The following DLGAP2 variants were observed in gnomAD, a reference collection of about 807,000 sequenced individuals.
DLGAP2 encodes the protein disks large-associated protein 2.
In DLGAP2, 26 loss-of-function variants were observed where a neutral mutation model predicts 100.3. The observed-to-expected ratio is 0.26, with a 90% CI of 0.19 to 0.36. DLGAP2 has a LOEUF of 0.36. Among genes scored for constraint, DLGAP2 ranks in the 10% least tolerant of loss-of-function variants. The pLI is 1.00. For missense variants in DLGAP2, 1,858 were observed against 1,453.2 expected (o/e 1.28, Z -4.53); for synonymous variants, 886 against 630.1 (o/e 1.41, Z -6.08).
At chr8:869,700 C>T (rs1797561279) in intron 1 of DLGAP2, among the ~76,000 whole-genome samples, 1 of 152,186 alleles carries the variant, frequency 6.6e-6, no homozygotes, top group South Asian at 2.1e-4. Flanking sequence ...GTAGTTGGAA[C>T]ATTCGGGGAT....
intron 12 of DLGAP2, among the ~76,000 whole-genome samples, chr8:1,690,478 G>C (rs534618864): frequency 2.9e-4 from 44 of 151,858 alleles, no homozygotes; most frequent in Middle Eastern, 3.4e-3. Context: ...GCTGAGATGG[G>C]TGGATCACCT....
chr8:1,155,403 G>C (rs981464131), intron 2 of DLGAP2, among the ~76,000 whole-genome samples: 2 of 152,212 alleles, frequency 1.3e-5, no homozygotes, highest in Non-Finnish European at 2.9e-5. Flanking sequence ...TCTTGCCAGG[G>C]GGCTGCTAGC....
chr8:1,498,441 G>T (rs1475766063), intron 3 of DLGAP2, among the ~76,000 whole-genome samples: 1 of 151,982 alleles, frequency 6.6e-6, no homozygotes, highest in Non-Finnish European at 1.5e-5. Flanking sequence ...TATCTGTCAC[G>T]TGATGTGCCC....
chr8:1,089,831 A>T (rs966402000), intron 2 of DLGAP2, among the ~76,000 whole-genome samples: 3 of 152,186 alleles, frequency 2.0e-5, no homozygotes, highest in Non-Finnish European at 2.9e-5. Context: ...TTGTGATCAG[A>T]CCTGATTGTT....
chr8:744,517 G>A lies in DLGAP2; in HGVS notation c.18+6692G>A, dbSNP rs562016658. Among the ~76,000 whole-genome samples, 132 of 151,950 alleles carry A rather than the reference G, an allele frequency of 8.7e-4. No homozygotes were observed. The Middle Eastern group carries it at 0.01, about 12-fold the overall frequency. On this transcript the variant is annotated intron_variant, in intron 1 of 14. Transcript: ENST00000637795. Reference sequence around the variant, plus strand: ...ACGTCGCCCTCCCGGGGTGCTGGCCGTCTGCTCCCCACGGTCACTCCCTGC... The same window carrying A: ...ACGTCGCCCTCCCGGGGTGCTGGCCATCTGCTCCCCACGGTCACTCCCTGC...
At chr8:1,444,021 A>C (rs545045011) in intron 3 of DLGAP2, among the ~76,000 whole-genome samples, 6 of 152,208 alleles carry the variant, frequency 3.9e-5, no homozygotes, top group Non-Finnish European at 8.8e-5. Flanking sequence ...TCCAGTGTTC[A>C]TGATCATTGT....
intron 2 of DLGAP2, among the ~76,000 whole-genome samples, chr8:913,699 C>G (rs1009656952): frequency 1.3e-5 from 2 of 152,232 alleles, no homozygotes; most frequent in African/African-American, 4.8e-5. Context: ...GAAGAGAAAA[C>G]AGATCCAGAG....
chr8:1,417,132 C>T (rs1047421381), intron 3 of DLGAP2, among the ~76,000 whole-genome samples: 1 of 151,302 alleles, frequency 6.6e-6, no homozygotes, highest in Non-Finnish European at 1.5e-5. Context: ...ATTCATTTAG[C>T]GTCTGAGGCG....
At chr8:780,116 C>G (rs1433873347) in intron 1 of DLGAP2, among the ~76,000 whole-genome samples, 4 of 152,086 alleles carry the variant, frequency 2.6e-5, no homozygotes, top group Non-Finnish European at 4.4e-5. Context: ...AACTTTGTAC[C>G]CTTTGACCTA....
chr8:1,363,796 C>G (rs2129670392), intron 3 of DLGAP2, among the ~76,000 whole-genome samples: 1 of 152,344 alleles, frequency 6.6e-6, no homozygotes, highest in East Asian at 1.9e-4. Context: ...TGAGCCAGGC[C>G]TCAGAGGCTG....
intron 6 of DLGAP2, among the ~76,000 whole-genome samples, chr8:1,575,326 A>G (rs1293039039): frequency 6.6e-6 from 1 of 152,022 alleles, no homozygotes; most frequent in Non-Finnish European, 1.5e-5. Context: ...ATCCCCACCT[A>G]AATACAGGAC....
At chr8:1,424,698 C>G (rs1014748760) in intron 3 of DLGAP2, among the ~76,000 whole-genome samples, 10 of 152,280 alleles carry the variant, frequency 6.6e-5, no homozygotes, top group African/African-American at 2.4e-4. Flanking sequence ...GTCAGATGCA[C>G]AGACAGAAGG....
chr8:1,511,400 GTCGTAAGGGCTGTCTAGTGTAGGACA>G (rs1181234881), intron 4 of DLGAP2, among the ~76,000 whole-genome samples: 2,378 of 144,542 alleles, frequency 0.016, 82 homozygotes, highest in African/African-American at 0.017. Flanking sequence ...ATCTTCCATG[GTCGTAAGGGCTGTCTAGTGTAGGACA>G]ATCAGTAGAT....
At chr8:762,083 T>C (rs913010783) in intron 1 of DLGAP2, among the ~76,000 whole-genome samples, 1 of 152,186 alleles carries the variant, frequency 6.6e-6, no homozygotes, top group East Asian at 1.9e-4. Flanking sequence ...GGCTGTGCTA[T>C]GTAACTGTCA....
intron 6 of DLGAP2, among the ~76,000 whole-genome samples, chr8:1,606,067 T>TTAACTC (rs1376517386): frequency 6.6e-6 from 1 of 152,202 alleles, no homozygotes; most frequent in East Asian, 1.9e-4. Flanking sequence ...TGAATTATCG[T>TTAACTC]TAACTCTGCT....
At chr8:1,009,563 C>G (rs968863102) in intron 2 of DLGAP2, among the ~76,000 whole-genome samples, 1 of 152,164 alleles carries the variant, frequency 6.6e-6, no homozygotes, top group Non-Finnish European at 1.5e-5. Flanking sequence ...TTTTTGAGCT[C>G]ACACTGTTCA....
intron 2 of DLGAP2, among the ~76,000 whole-genome samples, chr8:910,220 G>A (rs557000428): frequency 1.3e-5 from 2 of 152,154 alleles, no homozygotes; most frequent in Non-Finnish European, 2.9e-5. Flanking sequence ...ATTAACTTTG[G>A]GATGAATCAT....
intron 3 of DLGAP2, among the ~76,000 whole-genome samples, chr8:1,312,698 CA>C (rs1202761430): frequency 6.6e-6 from 1 of 152,056 alleles, no homozygotes; most frequent in Non-Finnish European, 1.5e-5. Context: ...AAAATATTTA[CA>C]AAAAATAAAA....
chr8:1,028,788 G>C lies in DLGAP2; in HGVS notation c.73+120822G>C, dbSNP rs188224499. Among the ~76,000 whole-genome samples, 485 of 152,350 alleles carry C rather than the reference G, an allele frequency of 3.2e-3. 2 individuals carry two copies. The highest frequency in any genetic ancestry group is 0.011 in the African/African-American group (465 of 41,588). On this transcript the variant is annotated intron_variant, in intron 2 of 14. Transcript: ENST00000637795. ...TGAGAATCCCTTGGGATTTTTTAAA[G>C]CTGGAAGTCTTTTGATCAGAGTTGC...
Sources: gnomAD v4.1 joint callset for allele counts (sites outside exome capture counted in the v4.1 genomes callset) on GRCh38, gnomAD v4.1.1 for gene constraint, MANE v1.5 for transcripts, NCBI Gene and HGNC (gene_info 2026-07-23, HGNC 2026-07-21) for gene names.